Variants in MBNL3 observed in about 807,000 individuals in gnomAD.
MBNL3 encodes muscleblind-like protein 3.
A neutral mutation model predicts 24.5 loss-of-function variants in MBNL3; 6 were observed. The observed-to-expected ratio is 0.25, with a 90% confidence interval of 0.13 to 0.48. The LOEUF (loss-of-function observed/expected upper bound fraction) is 0.48, where lower values mean the gene tolerates loss of function less well. MBNL3 is among the 20% of genes least tolerant of loss of function. The pLI is 0.99. For missense variants in MBNL3, 230 were observed against 293.5 expected (o/e 0.78, Z 1.58); for synonymous variants, 100 against 101.7 (o/e 0.98, Z 0.10).
rs1043392984 is a variant in MBNL3 at position 132,383,692 on chromosome X, C to T, written c.958+971G>A. Among the ~76,000 whole-genome samples, 6 of 111,937 alleles carry T rather than the reference C, an allele frequency of 5.4e-5. No homozygotes were observed. In the East Asian group the frequency reaches 1.7e-3, roughly 32 times the overall value. On this transcript the variant is annotated intron_variant, in intron 7 of 8. Coordinates refer to ENST00000370853, the MANE Select transcript of MBNL3 (RefSeq NM_001386889.1). ...ACTTCCATTCCCAGGGTTCAGATCT[C>T]GCTATGTTAGTGAGTGCTGCTACTA...
chrX:132,403,920 G>A (rs1307289937), intron 3 of MBNL3, among the ~76,000 whole-genome samples: 1 of 111,612 alleles, frequency 9.0e-6, no homozygotes, highest in Non-Finnish European at 1.9e-5. Context: ...GTTTGAAATT[G>A]AGACATCCCA....
At chrX:132,418,901 G>A (rs1439820452) in intron 2 of MBNL3, among the ~76,000 whole-genome samples, 2 of 112,207 alleles carry the variant, frequency 1.8e-5, no homozygotes, top group African/African-American at 6.5e-5. Context: ...AGCGTCCCGA[G>A]TAGCTGGGAC....
intron 2 of MBNL3, among the ~76,000 whole-genome samples, chrX:132,413,106 G>A (rs1451234549): frequency 8.9e-6 from 1 of 112,160 alleles, no homozygotes; most frequent in Non-Finnish European, 1.9e-5. Context: ...AAGAACATAA[G>A]GAGGTGTTTC....
At chrX:132,438,027 T>C (rs1348983258) in intron 2 of MBNL3, 2 of 243,721 alleles carry the variant, frequency 8.2e-6, no homozygotes, top group African/African-American at 6.0e-5. Context: ...TTAAGCATCT[T>C]TAATCCAAAA....
intron 1 of MBNL3, among the ~76,000 whole-genome samples, chrX:132,449,464 C>CTTTTTTTTTTTTTTT (rs751006249): frequency 2.0e-4 from 6 of 29,783 alleles, no homozygotes; most frequent in Non-Finnish European, 2.6e-4. Context: ...GCAACCCCTG[C>CTTTTTTTTTTTTTTT]TTTTTTTTTT....
intron 1 of MBNL3, among the ~76,000 whole-genome samples, chrX:132,461,964 G>A (rs1430398534): frequency 8.9e-6 from 1 of 111,950 alleles, no homozygotes; most frequent in East Asian, 2.8e-4. Flanking sequence ...CTGAAACTAT[G>A]CATTCCCCCA....
At chrX:132,455,124 T>C (rs963481610) in intron 1 of MBNL3, among the ~76,000 whole-genome samples, 1 of 111,825 alleles carries the variant, frequency 8.9e-6, no homozygotes, top group African/African-American at 3.3e-5. Flanking sequence ...TAAAGTCATC[T>C]TCTTGGCCCA....
intron 2 of MBNL3, among the ~76,000 whole-genome samples, chrX:132,426,335 A>G (rs1428695943): frequency 8.9e-6 from 1 of 111,979 alleles, no homozygotes; most frequent in East Asian, 2.8e-4. Flanking sequence ...ACTGCTTTCT[A>G]CTTAACCATG....
intron 1 of MBNL3, among the ~76,000 whole-genome samples, chrX:132,459,624 T>C (rs1423367566): frequency 1.8e-5 from 2 of 112,201 alleles, no homozygotes; most frequent in Non-Finnish European, 3.8e-5. Context: ...GCCTAACACT[T>C]AATAGGCTCT....
At chrX:132,485,106 T>A (rs1947934165) in intron 1 of MBNL3, among the ~76,000 whole-genome samples, 1 of 111,943 alleles carries the variant, frequency 8.9e-6, no homozygotes, top group Admixed American at 9.5e-5. Context: ...GTGACATCAC[T>A]ATATCAAATA....
chrX:132,440,574 A>G (rs1945340639), intron 1 of MBNL3, among the ~76,000 whole-genome samples: 1 of 111,609 alleles, frequency 9.0e-6, no homozygotes, highest in African/African-American at 3.3e-5. Context: ...GGGGTGGAGG[A>G]TGGAAACGTA....
chrX:132,442,806 A>G (rs1297064563), intron 1 of MBNL3, among the ~76,000 whole-genome samples: 4 of 112,344 alleles, frequency 3.6e-5, no homozygotes, highest in African/African-American at 1.3e-4. Flanking sequence ...AGCCCTGGCC[A>G]ATTCTTCAAA....
Position 132,439,588 on chromosome X carries a change from C to G in MBNL3, c.24G>C (p.Leu8=). Residue 8 remains leucine, a synonymous_variant, in exon 2 of 9, where the codon CTG becomes CTC. Coordinates refer to ENST00000370853, the MANE Select transcript of MBNL3 (RefSeq NM_001386889.1). ...AAGTCAGCCACTTGGTATCACGAATCAGGGCAACATTGACAGCCGTCATAT... is the reference window on the plus strand; with the variant it reads ...AAGTCAGCCACTTGGTATCACGAATGAGGGCAACATTGACAGCCGTCATAT... MTAVNVA[L]IRDTKWLTLE... 1 of 1,203,103 alleles carries G rather than the reference C, an allele frequency of 8.3e-7. No homozygotes were observed. The highest frequency in any genetic ancestry group is 1.8e-5 in the South Asian group (1 of 54,854).
intron 1 of MBNL3, among the ~76,000 whole-genome samples, chrX:132,487,462 C>T (rs1202554186): frequency 8.9e-6 from 1 of 112,457 alleles, no homozygotes; most frequent in Non-Finnish European, 1.9e-5. Flanking sequence ...TCTAGGTAGA[C>T]TACAGCACCT....
chrX:132,486,985 AT>A (rs201545270), intron 1 of MBNL3, among the ~76,000 whole-genome samples: 23 of 107,768 alleles, frequency 2.1e-4, no homozygotes, highest in Non-Finnish European at 3.3e-4. Context: ...CTCTCAAAAC[AT>A]TTTTTTTTTA....
At chrX:132,435,851 G>A (rs1160481660) in intron 2 of MBNL3, among the ~76,000 whole-genome samples, 1 of 111,281 alleles carries the variant, frequency 9.0e-6, no homozygotes, top group Non-Finnish European at 1.9e-5. Context: ...GGACAGTTGT[G>A]ATGGGTGTTG....
chrX:132,489,740 C>T, upstream of MBNL3: 1 of 108,655 alleles, frequency 9.2e-6, no homozygotes, highest in East Asian at 3.0e-4. Context: ...GAGCGCCGGA[C>T]TCGGAAGCGG....
chrX:132,407,609 G>T (rs1215588225), intron 2 of MBNL3, among the ~76,000 whole-genome samples: 1 of 111,942 alleles, frequency 8.9e-6, no homozygotes, highest in Non-Finnish European at 1.9e-5. Flanking sequence ...AGTAGCCTAG[G>T]AATAGCTACG....
At chrX:132,468,581 C>T (rs1334256681) in intron 1 of MBNL3, among the ~76,000 whole-genome samples, 1 of 112,378 alleles carries the variant, frequency 8.9e-6, no homozygotes, top group Non-Finnish European at 1.9e-5. Context: ...TTTTAGCACA[C>T]TCGTATATAT....
Sources: gnomAD v4.1 joint callset for allele counts (sites outside exome capture counted in the v4.1 genomes callset) on GRCh38, gnomAD v4.1.1 for gene constraint, MANE v1.5 for transcripts, NCBI Gene and HGNC (gene_info 2026-07-23, HGNC 2026-07-21) for gene names.